The following CCNY variants were observed in gnomAD, a reference collection of about 807,000 sequenced individuals.
CCNY encodes the protein cyclin Y, also known as cyclin-Y.
CCNY carries 19 observed loss-of-function variants against 42.8 expected under a neutral mutation model. The observed-to-expected ratio is 0.44, with a 90% confidence interval of 0.31 to 0.65. CCNY has a LOEUF of 0.65. Among genes scored for constraint, CCNY ranks in the 30% least tolerant of loss-of-function variants. The pLI, the probability that CCNY is intolerant of heterozygous loss-of-function variation, is 0.07. For missense variants in CCNY, 370 were observed against 437.3 expected (o/e 0.85, Z 1.37); for synonymous variants, 165 against 162.7 (o/e 1.01, Z -0.11).
intron 1 of CCNY, among the ~76,000 whole-genome samples, chr10:35,406,374 T>C (rs1490193216): frequency 6.6e-6 from 1 of 151,978 alleles, no homozygotes; most frequent in Non-Finnish European, 1.5e-5. Flanking sequence ...GAGGACCCTG[T>C]GGCCTTCCGC....
At chr10:35,393,222 A>G (rs902368405) in intron 1 of CCNY, among the ~76,000 whole-genome samples, 1 of 152,214 alleles carries the variant, frequency 6.6e-6, no homozygotes, top group Admixed American at 6.5e-5. Context: ...ACACAGATCT[A>G]GTAAAGAGAT....
chr10:35,439,707 ATTTT>A (rs111706337), intron 1 of CCNY, among the ~76,000 whole-genome samples: 1 of 141,346 alleles, frequency 7.1e-6, no homozygotes, highest in South Asian at 2.3e-4. Flanking sequence ...AGGATGAGTG[ATTTT>A]TTTTTTTTTT....
intron 9 of CCNY, 150 bp downstream of exon 9, chr10:35,566,335 T>A: frequency 1.2e-6 from 1 of 819,360 alleles, no homozygotes; most frequent in Non-Finnish European, 1.8e-6. Context: ...GGCAGTTGAT[T>A]ATGATTTGTT....
At chr10:35,506,335 C>G (rs980242200) in intron 3 of CCNY, among the ~76,000 whole-genome samples, 1 of 152,186 alleles carries the variant, frequency 6.6e-6, no homozygotes, top group African/African-American at 2.4e-5. Flanking sequence ...CTCAGACCCC[C>G]TGTTCTGCTT....
At chr10:35,251,648 G>T (rs1428808380) in intron 3 of CCNY, among the ~76,000 whole-genome samples, 1 of 150,896 alleles carries the variant, frequency 6.6e-6, no homozygotes, top group African/African-American at 2.4e-5. Flanking sequence ...GAAGACAGTG[G>T]TACAATCACA....
chr10:35,360,924 G>A (rs183697108), intron 1 of CCNY, among the ~76,000 whole-genome samples: 19 of 152,220 alleles, frequency 1.2e-4, no homozygotes, highest in African/African-American at 4.3e-4. Context: ...GCAACGGCAC[G>A]ATCTCAGCTC....
At position 35,513,305 on chromosome 10, in the gene CCNY, A is replaced by G. The variant is rs114474880; in HGVS notation, c.265-3218A>G. Among the ~76,000 whole-genome samples, 578 of 152,274 alleles carry G rather than the reference A, an allele frequency of 3.8e-3. 6 individuals carry two copies. The highest frequency in any genetic ancestry group is 0.014 in the African/African-American group (565 of 41,544). On this transcript the variant is annotated intron_variant, in intron 3 of 9. Coordinates refer to ENST00000374704, the MANE Select transcript of CCNY (RefSeq NM_145012.6). ...TTCTCACTCATCAGGCTCCCCTTCT[A>G]AGCAGTTCGTGGTTAACTCTGTAGT...
At chr10:35,549,592 T>C (rs1322355714) in intron 7 of CCNY, among the ~76,000 whole-genome samples, 1 of 139,976 alleles carries the variant, frequency 7.1e-6, no homozygotes, top group African/African-American at 2.8e-5. Flanking sequence ...CCTACAGTGC[T>C]CATGACCCTG....
At chr10:35,284,142 C>T (rs1045424769) in intron 3 of CCNY, among the ~76,000 whole-genome samples, 1 of 152,070 alleles carries the variant, frequency 6.6e-6, no homozygotes, top group African/African-American at 2.4e-5. Context: ...CTTTACAGAT[C>T]ATAAACTGTA....
At chr10:35,464,770 A>G (rs1411322292) in intron 1 of CCNY, among the ~76,000 whole-genome samples, 1 of 152,152 alleles carries the variant, frequency 6.6e-6, no homozygotes, top group Non-Finnish European at 1.5e-5. Context: ...GTTTCTCTTA[A>G]GGAACACCTA....
intron 1 of CCNY, among the ~76,000 whole-genome samples, chr10:35,360,999 T>G (rs1414294911): frequency 6.6e-6 from 1 of 152,062 alleles, no homozygotes; most frequent in Non-Finnish European, 1.5e-5. Context: ...TAGCTGAGAT[T>G]ACAGACGCCC....
At chr10:35,521,406 T>C (rs529226994) in intron 4 of CCNY, among the ~76,000 whole-genome samples, 1 of 152,250 alleles carries the variant, frequency 6.6e-6, no homozygotes, top group South Asian at 2.1e-4. Flanking sequence ...AAACTTGGAT[T>C]TGATAAGGGT....
chr10:35,390,029 G>C (rs988832592), intron 1 of CCNY, among the ~76,000 whole-genome samples: 19 of 152,212 alleles, frequency 1.2e-4, no homozygotes, highest in African/African-American at 4.6e-4. Context: ...AAATGAGGAA[G>C]ATCTCCTACC....
chr10:35,439,474 T>C (rs111788113), intron 1 of CCNY, among the ~76,000 whole-genome samples: 1,970 of 152,234 alleles, frequency 0.013, 37 homozygotes, highest in African/African-American at 0.044. Context: ...TTGTTTATAG[T>C]TTTTATTTGT....
intron 1 of CCNY, among the ~76,000 whole-genome samples, chr10:35,478,696 AC>A (rs1357757670): frequency 6.6e-6 from 1 of 152,152 alleles, no homozygotes; most frequent in Non-Finnish European, 1.5e-5. Flanking sequence ...CTAGAAGAAA[AC>A]CTAGGCAATA....
intron 4 of CCNY, among the ~76,000 whole-genome samples, chr10:35,525,324 A>G (rs1385162548): frequency 1.3e-5 from 2 of 152,240 alleles, no homozygotes; most frequent in Non-Finnish European, 2.9e-5. Flanking sequence ...AATTTCTACA[A>G]TGAATATGTT....
intron 1 of CCNY, among the ~76,000 whole-genome samples, chr10:35,394,437 G>A (rs1203332747): frequency 2.0e-5 from 3 of 152,206 alleles, no homozygotes; most frequent in African/African-American, 2.4e-5. Flanking sequence ...TGATAAAAGC[G>A]TTCATTTGAT....
At chr10:35,430,813 T>A (rs965421020) in intron 1 of CCNY, among the ~76,000 whole-genome samples, 6 of 152,104 alleles carry the variant, frequency 3.9e-5, no homozygotes, top group Admixed American at 2.0e-4. Flanking sequence ...ATAGAATTTT[T>A]AAAAAAATTT....
chr10:35,273,531 C>T (rs1156662811), intron 3 of CCNY, among the ~76,000 whole-genome samples: 1 of 152,028 alleles, frequency 6.6e-6, no homozygotes, highest in East Asian at 1.9e-4. Context: ...CCAGCTCATG[C>T]AGTTTACTTG....
Sources: gnomAD v4.1 joint callset for allele counts (sites outside exome capture counted in the v4.1 genomes callset) on GRCh38, gnomAD v4.1.1 for gene constraint, MANE v1.5 for transcripts, NCBI Gene and HGNC (gene_info 2026-07-23, HGNC 2026-07-21) for gene names.